The following DNAJC13 variants were observed in gnomAD, a reference collection of about 807,000 sequenced individuals.
The protein encoded by DNAJC13 is dnaJ homolog subfamily C member 13.
In DNAJC13, 75 loss-of-function variants were observed where a neutral mutation model predicts 290.5. The ratio of observed to expected loss-of-function variants is 0.26; its 90% CI spans 0.21 to 0.31. DNAJC13 has a LOEUF of 0.31. Among genes scored for constraint, DNAJC13 ranks in the 10% least tolerant of loss-of-function variants. The probability of loss-of-function intolerance (pLI) is 1.00; values close to 1 mark genes in which losing one functional copy is unlikely to be tolerated. For missense variants in DNAJC13, 2,260 were observed against 2,674.5 expected (o/e 0.85, Z 3.42); for synonymous variants, 862 against 892.0 (o/e 0.97, Z 0.60).
At chr3:132,536,394 TAC>T (rs573106179) in intron 55 of DNAJC13, among the ~76,000 whole-genome samples, 72 of 151,764 alleles carry the variant, frequency 4.7e-4, no homozygotes, top group African/African-American at 1.7e-3. Context: ...ATCTGTTAAA[TAC>T]ACACACACAC....
Position 132,466,240 on chromosome 3 carries a change from GT to G in DNAJC13, c.1969-54del, listed in dbSNP as rs904009130. 1.7e-5 allele frequency: 26 copies of G among 1,537,628 alleles called. No individual in the cohort carries two copies. In the African/African-American group the frequency reaches 3.2e-4, roughly 19 times the overall value. ...TAAGCCACAGTATTAATTTATTTGG[GT>G]TTTTAAGGCTAAATTTTCTTTTTCA... On this transcript the variant is annotated intron_variant, in intron 18 of 55. Coordinates refer to ENST00000260818, the MANE Select transcript of DNAJC13 (RefSeq NM_015268.4).
chr3:132,449,867 C>T (rs1933367320), intron 5 of DNAJC13, among the ~76,000 whole-genome samples: 1 of 152,000 alleles, frequency 6.6e-6, no homozygotes, highest in South Asian at 2.1e-4. Flanking sequence ...CTTTGTTATC[C>T]TTATTTTCTC....
intron 46 of DNAJC13, among the ~76,000 whole-genome samples, chr3:132,515,054 C>CT (rs932000908): frequency 1.3e-5 from 2 of 152,080 alleles, no homozygotes; most frequent in African/African-American, 4.8e-5. Context: ...AATCTGTGTA[C>CT]TTTGTCTTTT....
At chr3:132,515,835 A>G (rs1195089485) in intron 46 of DNAJC13, among the ~76,000 whole-genome samples, 4 of 152,132 alleles carry the variant, frequency 2.6e-5, no homozygotes, top group African/African-American at 4.8e-5. Flanking sequence ...TGCAGCCTCT[A>G]CCTTATTTGC....
At chr3:132,499,083 A>T in intron 36 of DNAJC13, 43 bp from the exon 37 acceptor site, 2 of 1,478,696 alleles carry the variant, frequency 1.4e-6, no homozygotes, top group Non-Finnish European at 1.8e-6. Context: ...CAACATAATC[A>T]ATTTTGTTTT....
chr3:132,446,095 G>T (rs529982309), intron 2 of DNAJC13, among the ~76,000 whole-genome samples: 3 of 150,834 alleles, frequency 2.0e-5, no homozygotes, highest in Non-Finnish European at 3.0e-5. Context: ...TGGCTTTGTT[G>T]TAAGGGTATT....
At chr3:132,500,136 G>T (rs1013586023) in intron 38 of DNAJC13, among the ~76,000 whole-genome samples, 2 of 152,092 alleles carry the variant, frequency 1.3e-5, no homozygotes, top group Admixed American at 6.5e-5. Context: ...TGCCATTCTT[G>T]TTTCACATAT....
chr3:132,502,570 T>C (rs1935453449), intron 40 of DNAJC13, 102 bp downstream of exon 40: 2 of 1,114,382 alleles, frequency 1.8e-6, no homozygotes, highest in Non-Finnish European at 1.2e-6. Flanking sequence ...CAGAGATAAA[T>C]TGTTTTTCAG....
intron 5 of DNAJC13, among the ~76,000 whole-genome samples, chr3:132,449,668 T>G (rs1202531075): frequency 6.6e-6 from 1 of 152,190 alleles, no homozygotes; most frequent in East Asian, 1.9e-4. Flanking sequence ...CATTACTTAG[T>G]GCTTCACTCT....
intron 31 of DNAJC13, among the ~76,000 whole-genome samples, chr3:132,490,097 T>G (rs1256039663): frequency 6.6e-6 from 1 of 152,224 alleles, no homozygotes; most frequent in African/African-American, 2.4e-5. Context: ...CCCAAAAGTT[T>G]AACAGATAGT....
rs765144663 is a variant in DNAJC13 at position 132,511,153 on chromosome 3, G to A, written c.5202G>A (p.Ala1734=). The stretch of plus-strand genomic sequence containing the variant: ...ACACATTCATGGCCATCACACACGC[G>A]GCAAAAGTGGAGTCAGAGCAACATG... ...YLHTFMAITH[A]AKVESEQHGD... The change falls in exon 44 of 56, where the codon GCG becomes GCA. Residue 1734 remains alanine (A), a synonymous_variant. Transcript: ENST00000260818. 9.0e-5 allele frequency: 145 copies of A among 1,613,706 alleles called. No homozygotes were observed. The highest frequency in any genetic ancestry group is 1.4e-4 in the South Asian group (13 of 91,064).
rs1299082319 is a variant in DNAJC13 at position 132,456,966 on chromosome 3, G to A, written c.1349+134G>A. On this transcript the variant is annotated intron_variant, in intron 12 of 55. Transcript: ENST00000260818. ...TAGGGTGATATGGTACTTTATTCAT[G>A]AGAAATGAAAAAGGAAGGTGAGGGC... 3.8e-6 allele frequency: 4 copies of A among 1,063,450 alleles called. No homozygotes were observed. The East Asian group carries it at 1.0e-4, about 28-fold the overall frequency. The allele number at this position is 1,063,450 out of a possible 1,614,324, so 65.9% of individuals were successfully genotyped here.
At chr3:132,466,600 A>G (rs570792626) in intron 19 of DNAJC13, among the ~76,000 whole-genome samples, 43 of 152,360 alleles carry the variant, frequency 2.8e-4, no homozygotes, top group African/African-American at 9.6e-4. Flanking sequence ...AATTTGTGGT[A>G]TATTTACAGA....
chr3:132,528,524 A>G (rs1216456933), intron 54 of DNAJC13, among the ~76,000 whole-genome samples, 192 bp downstream of exon 54: 1 of 152,202 alleles, frequency 6.6e-6, no homozygotes, highest in Non-Finnish European at 1.5e-5. Flanking sequence ...CATATACTCA[A>G]TATTCAGGAG....
chr3:132,512,409 G>T (rs1239168256), intron 44 of DNAJC13, among the ~76,000 whole-genome samples: 1 of 152,138 alleles, frequency 6.6e-6, no homozygotes, highest in East Asian at 1.9e-4. Flanking sequence ...ATCCTCAAAA[G>T]ATAAGAAATT....
chr3:132,522,811 C>G lies in DNAJC13; in HGVS notation c.5674-17C>G. ...TTCCAATAGGTGTCTTTTTCATTCT[C>G]AAACTTCCTCGTATAGGTTCGAATT... On this transcript the variant is annotated splice_polypyrimidine_tract_variant and intron_variant, in intron 48 of 55. Transcript: ENST00000260818. The G allele has an allele frequency of 6.3e-7, 1 of 1,575,660 alleles. No homozygotes were observed. The highest frequency in any genetic ancestry group is 2.3e-5 in the East Asian group (1 of 44,426).
rs752274754 is a variant in DNAJC13 at position 132,499,135 on chromosome 3, C to G, written c.4166C>G (p.Pro1389Arg). 6.2e-7 allele frequency: 1 copy of G among 1,600,012 alleles called. No individual in the cohort carries two copies. Among genetic ancestry groups the G allele is most frequent in the African/African-American group, 1.3e-5 (1 of 74,518 alleles). ...LFNRHKEDLQ[P>R]YKYAGYPMLI... Reference sequence around the variant, plus strand: ...CCATTGGTTATTTCAGATTTACAGCCTTATAAATATGCAGGATACCCCATG... The same window carrying G: ...CCATTGGTTATTTCAGATTTACAGCGTTATAAATATGCAGGATACCCCATG... Residue 1389 changes from proline (P) to arginine (R), a missense_variant, in exon 37 of 56, where the codon CCT becomes CGT. Pro to Arg is a moderately radical substitution (Grantham distance 103). Transcript: ENST00000260818.
intron 1 of DNAJC13, among the ~76,000 whole-genome samples, chr3:132,422,338 A>G (rs1938984891): frequency 6.6e-6 from 1 of 152,140 alleles, no homozygotes; most frequent in African/African-American, 2.4e-5. Context: ...TACCTGGCTC[A>G]CTTGGACACT....
chr3:132,433,960 TC>T (rs1939305984), intron 1 of DNAJC13, among the ~76,000 whole-genome samples: 1 of 152,172 alleles, frequency 6.6e-6, no homozygotes, highest in African/African-American at 2.4e-5. Context: ...ACGCCTGTAA[TC>T]CCAGCACTTT....
Sources: gnomAD v4.1 joint callset for allele counts (sites outside exome capture counted in the v4.1 genomes callset) on GRCh38, gnomAD v4.1.1 for gene constraint, MANE v1.5 for transcripts, NCBI Gene and HGNC (gene_info 2026-07-23, HGNC 2026-07-21) for gene names.